Variants in GSDMC observed in about 807,000 individuals in gnomAD.
The protein encoded by GSDMC is gasdermin-C.
A neutral mutation model predicts 58.0 loss-of-function variants in GSDMC; 59 were observed. That is an observed-to-expected ratio of 1.02 (90% CI 0.82 to 1.26). The LOEUF is 1.26. GSDMC is among the 50% of genes most tolerant of loss of function. GSDMC has a pLI of 0.00. For synonymous variants in GSDMC, 241 were observed against 220.2 expected, an observed-to-expected ratio of 1.09 and a Z score of -0.83; for missense variants, 659 against 598.5, an observed-to-expected ratio of 1.10 and a Z score of -1.06.
rs772938659 is a variant in GSDMC, at chr8:129,751,600, C to T, written c.917-32G>A. On this transcript the variant is annotated intron_variant, in intron 9 of 13. Coordinates refer to ENST00000276708, the MANE Select transcript of GSDMC (RefSeq NM_031415.3). ...GGAGAATCAAGTCATCATCTCACTTCCTCATCCCCCCAAATTTGCTTTTCA... is the reference window on the plus strand; with the variant it reads ...GGAGAATCAAGTCATCATCTCACTTTCTCATCCCCCCAAATTTGCTTTTCA... 6 of 1,605,684 alleles carry T rather than the reference C, an allele frequency of 3.7e-6. No homozygotes were observed. In the Admixed American group the frequency reaches 5.0e-5, roughly 13 times the overall value.
the GSDMC span, among the ~76,000 whole-genome samples, chr8:129,713,397 TG>T: frequency 3.3e-5 from 3 of 90,308 alleles, no homozygotes; most frequent in African/African-American, 1.0e-4. Flanking sequence ...TGGAGCCTTG[TG>T]GCCTCAGTGA....
the GSDMC span, among the ~76,000 whole-genome samples, chr8:129,708,297 C>T: frequency 6.6e-6 from 1 of 152,312 alleles, no homozygotes; most frequent in East Asian, 1.9e-4. Flanking sequence ...GTCCAGAGCC[C>T]TAAAGACCCA....
At chr8:129,717,900 C>A in the GSDMC span, among the ~76,000 whole-genome samples, 1 of 152,060 alleles carries the variant, frequency 6.6e-6, no homozygotes, top group African/African-American at 2.4e-5. Context: ...ATTGACAAAC[C>A]TGACAAAAAC....
the GSDMC span, among the ~76,000 whole-genome samples, chr8:129,708,653 G>A: frequency 2.0e-5 from 3 of 152,266 alleles, no homozygotes; most frequent in South Asian, 2.1e-4. Context: ...CAATGGATTC[G>A]GCACTGGCCA....
chr8:129,777,479 C>T lies in GSDMC; in HGVS notation c.109G>A (p.Val37Ile), dbSNP rs1221995002. The T allele has an allele frequency of 4.3e-6, 7 of 1,613,026 alleles. No individual in the cohort carries two copies. Among genetic ancestry groups the T allele is most frequent in the South Asian group, 1.1e-5 (1 of 91,056 alleles). The change falls in exon 2 of 14, where the codon GTT becomes ATT. Residue 37 changes from valine (V) to isoleucine (I), a missense_variant. Val to Ile is a conservative substitution (Grantham distance 29, BLOSUM62 3). Coordinates refer to ENST00000276708, the MANE Select transcript of GSDMC (RefSeq NM_031415.3). ...LLSATKLRQFVILRKKKDSRS... is the reference protein window; with the variant it reads ...LLSATKLRQFIILRKKKDSRS... ...GAATCCTTCTTCTTTCGTAATATAA[C>T]AAACTGACGTAATTTGGTGGCACTC...
chr8:129,712,721 C>T, the GSDMC span, among the ~76,000 whole-genome samples: 1 of 152,144 alleles, frequency 6.6e-6, no homozygotes, highest in Non-Finnish European at 1.5e-5. Flanking sequence ...AAAGTTTATC[C>T]CAGTTACCAG....
At chr8:129,711,203 C>T in the GSDMC span, among the ~76,000 whole-genome samples, 1 of 152,176 alleles carries the variant, frequency 6.6e-6, no homozygotes, top group Admixed American at 6.6e-5. Flanking sequence ...TTCACTTGAT[C>T]TTTACATGCG....
intron 3 of GSDMC, among the ~76,000 whole-genome samples, chr8:129,775,365 C>T (rs1051897253): frequency 6.6e-6 from 1 of 152,030 alleles, no homozygotes; most frequent in Non-Finnish European, 1.5e-5. Context: ...AAAAGTCAAA[C>T]TTATAGAAAC....
At chr8:129,725,142 A>T in the GSDMC span, among the ~76,000 whole-genome samples, 1 of 152,180 alleles carries the variant, frequency 6.6e-6, no homozygotes, top group Non-Finnish European at 1.5e-5. Flanking sequence ...TCACATTCAC[A>T]CATGCCCTCT....
the GSDMC span, among the ~76,000 whole-genome samples, chr8:129,715,237 T>C: frequency 6.6e-6 from 1 of 152,044 alleles, no homozygotes; most frequent in Non-Finnish European, 1.5e-5. Flanking sequence ...AACTCAGTAG[T>C]GGAAAATAAT....
At chr8:129,728,049 G>A in the GSDMC span, among the ~76,000 whole-genome samples, 7 of 151,960 alleles carry the variant, frequency 4.6e-5, no homozygotes, top group South Asian at 4.2e-4. Context: ...ACACTTGGCC[G>A]GGACCAGCAG....
At position 129,752,978 on chromosome 8, in the gene GSDMC, T is replaced by G; in HGVS notation, c.722-158A>C. On this transcript the variant is annotated intron_variant, in intron 6 of 13. Coordinates refer to ENST00000276708, the MANE Select transcript of GSDMC (RefSeq NM_031415.3). ...CACTCAAAGAGGAATTGCCCATTCC[T>G]TCTTTCAGAACTCAAGTTTCTTGGC... The G allele has an allele frequency of 8.4e-6, 11 of 1,312,870 alleles. 1 individual carries two copies. In the South Asian group the frequency reaches 1.7e-4, roughly 20 times the overall value. 81.3% of individuals were successfully genotyped at this position (1,312,870 alleles called of 1,614,324 possible). A position where few individuals can be genotyped will look rare whatever the true frequency, so the allele number is the denominator to read the frequency against.
the GSDMC span, among the ~76,000 whole-genome samples, chr8:129,708,407 C>A: frequency 2.0e-5 from 3 of 152,200 alleles, no homozygotes; most frequent in Non-Finnish European, 2.9e-5. Context: ...ATGGCAAATG[C>A]GGCTCTGTCT....
At chr8:129,734,067 A>C in the GSDMC span, among the ~76,000 whole-genome samples, 3 of 152,234 alleles carry the variant, frequency 2.0e-5, no homozygotes, top group Non-Finnish European at 4.4e-5. Flanking sequence ...AGAGGAAGAA[A>C]GTGTATCAGT....
At chr8:129,722,214 C>A in the GSDMC span, among the ~76,000 whole-genome samples, 1 of 152,164 alleles carries the variant, frequency 6.6e-6, no homozygotes, top group Non-Finnish European at 1.5e-5. Flanking sequence ...AGAAGCCCTA[C>A]GGTGCTCGGG....
chr8:129,750,374 C>T (rs1283764789), intron 11 of GSDMC, 57 bp downstream of exon 11: 7 of 1,543,284 alleles, frequency 4.5e-6, no homozygotes, highest in Non-Finnish European at 6.2e-6. Flanking sequence ...AGTCATATCT[C>T]CTAACCAATC....
rs532245909 is a variant in GSDMC at position 129,748,730 on chromosome 8, A to G, written c.1298T>C (p.Ile433Thr). The G allele has an allele frequency of 6.5e-7, 1 of 1,529,794 alleles. No homozygotes were observed. Among genetic ancestry groups the G allele is most frequent in the Admixed American group, 2.1e-5 (1 of 47,336 alleles). The allele number at this position is 1,529,794 out of a possible 1,614,324, so 94.8% of individuals were successfully genotyped here. Residue 433 changes from isoleucine to threonine, a missense_variant, in exon 14 of 14, where the codon ATC becomes ACC. Physicochemically the swap from Ile to Thr is moderately conservative, Grantham distance 89. Transcript: ENST00000276708. Reference protein sequence around the residue: ...LLQQQELVRSILEPNFRYPWS... With the variant: ...LLQQQELVRSTLEPNFRYPWS... ...GGGGTATCTGAAGTTTGGCTCCAGG[A>G]TGCTCCTTACCTAGAAGAAAGATGA...
chr8:129,714,544 T>C, the GSDMC span, among the ~76,000 whole-genome samples: 2 of 152,224 alleles, frequency 1.3e-5, no homozygotes, highest in Non-Finnish European at 2.9e-5. Flanking sequence ...CATCTATCTA[T>C]AGCAAGTGAT....
intron 1 of GSDMC, among the ~76,000 whole-genome samples, chr8:129,782,375 T>C (rs1563818262): frequency 6.6e-6 from 1 of 151,730 alleles, no homozygotes; most frequent in Non-Finnish European, 1.5e-5. Context: ...AGAGCAGAAA[T>C]AAATGAAGTT....
Sources: allele counts gnomAD v4.1 joint callset (sites outside exome capture counted in the v4.1 genomes callset), GRCh38; gene constraint gnomAD v4.1.1; transcripts MANE v1.5; gene names NCBI Gene and HGNC (gene_info 2026-07-23, HGNC 2026-07-21).